The following SPOCK3 variants were observed in gnomAD, a reference collection of about 807,000 sequenced individuals.
The protein encoded by SPOCK3 is testican-3.
SPOCK3 carries 30 observed loss-of-function variants against 56.6 expected under a neutral mutation model. That is an observed-to-expected ratio of 0.53 (90% CI 0.40 to 0.72). SPOCK3 has a LOEUF of 0.72. Ranked by LOEUF, SPOCK3 falls within the 30% of genes least tolerant of loss-of-function variation. SPOCK3 has a pLI of 0.00. For synonymous variants in SPOCK3, 196 were observed against 183.3 expected (o/e 1.07, Z -0.56); for missense variants, 527 against 530.0 (o/e 0.99, Z 0.06).
intron 6 of SPOCK3, among the ~76,000 whole-genome samples, chr4:166,842,168 G>C (rs1747479155): frequency 1.3e-5 from 2 of 152,244 alleles, no homozygotes; most frequent in African/African-American, 2.4e-5. Flanking sequence ...GACCCAAAGA[G>C]TGAGCAGCAG....
chr4:166,919,202 CCAA>C (rs772741886), intron 4 of SPOCK3, among the ~76,000 whole-genome samples: 1 of 152,018 alleles, frequency 6.6e-6, no homozygotes, highest in Non-Finnish European at 1.5e-5. Context: ...GCTTATGAGG[CCAA>C]CAAGTATGAT....
intron 4 of SPOCK3, among the ~76,000 whole-genome samples, chr4:166,966,752 A>C (rs1275606609): frequency 6.6e-6 from 1 of 152,184 alleles, no homozygotes; most frequent in Non-Finnish European, 1.5e-5. Flanking sequence ...ACACATTATT[A>C]TTACAATAAT....
intron 6 of SPOCK3, among the ~76,000 whole-genome samples, chr4:166,834,542 C>G (rs1364164697): frequency 6.6e-6 from 1 of 152,218 alleles, no homozygotes; most frequent in Non-Finnish European, 1.5e-5. Context: ...GCGCTTTCTA[C>G]TGCCAAGGAG....
At chr4:166,933,164 T>A (rs1739980969) in intron 4 of SPOCK3, among the ~76,000 whole-genome samples, 1 of 152,222 alleles carries the variant, frequency 6.6e-6, no homozygotes, top group Non-Finnish European at 1.5e-5. Flanking sequence ...TCTGAATCCC[T>A]TTTGACTCTC....
intron 4 of SPOCK3, among the ~76,000 whole-genome samples, chr4:166,913,641 G>A (rs1284019956): frequency 1.3e-5 from 2 of 151,898 alleles, no homozygotes; most frequent in Non-Finnish European, 2.9e-5. Context: ...TCATGAATAT[G>A]TCAAACCTAC....
intron 2 of SPOCK3, among the ~76,000 whole-genome samples, chr4:167,192,381 T>A (rs569497384): frequency 2.7e-5 from 4 of 145,946 alleles, no homozygotes; most frequent in African/African-American, 1.0e-4. Context: ...TTTACATGCT[T>A]AGTGTAATTC....
chr4:167,103,634 T>C (rs1168073507), intron 2 of SPOCK3, among the ~76,000 whole-genome samples: 2 of 152,156 alleles, frequency 1.3e-5, no homozygotes, highest in Non-Finnish European at 2.9e-5. Flanking sequence ...CCAGATGGCA[T>C]CTCTGGATCT....
chr4:166,951,017 T>C (rs1742540959), intron 4 of SPOCK3, among the ~76,000 whole-genome samples: 2 of 129,270 alleles, frequency 1.5e-5, no homozygotes, highest in Non-Finnish European at 3.2e-5. Flanking sequence ...AACATCACAA[T>C]TAAAAGAACT....
At chr4:166,880,852 C>T (rs1251235162) in intron 6 of SPOCK3, among the ~76,000 whole-genome samples, 1 of 152,152 alleles carries the variant, frequency 6.6e-6, no homozygotes, top group Non-Finnish European at 1.5e-5. Flanking sequence ...CATTCTTGAA[C>T]CATCCGGTTT....
At chr4:166,971,739 G>A (rs994255544) in intron 4 of SPOCK3, among the ~76,000 whole-genome samples, 3 of 151,828 alleles carry the variant, frequency 2.0e-5, no homozygotes, top group African/African-American at 7.3e-5. Flanking sequence ...CATTCCCTAC[G>A]TATGTATTTT....
chr4:166,936,974 G>C (rs1311342888), intron 4 of SPOCK3, among the ~76,000 whole-genome samples: 1 of 151,564 alleles, frequency 6.6e-6, no homozygotes, highest in African/African-American at 2.4e-5. Context: ...TTTGATAATG[G>C]GTTATTTACA....
chr4:167,181,441 T>C (rs1239783201), intron 2 of SPOCK3, among the ~76,000 whole-genome samples: 1 of 152,238 alleles, frequency 6.6e-6, no homozygotes, highest in African/African-American at 2.4e-5. Flanking sequence ...ACCTTTGTTC[T>C]ATTCTCCAGA....
intron 7 of SPOCK3, among the ~76,000 whole-genome samples, chr4:166,755,894 T>A (rs1737001105): frequency 1.8e-5 from 1 of 55,748 alleles, no homozygotes; most frequent in African/African-American, 6.6e-5. Flanking sequence ...ATAAGAGATT[T>A]GGGACAGGAA....
At chr4:167,072,509 A>G (rs1456614766) in intron 2 of SPOCK3, among the ~76,000 whole-genome samples, 1 of 151,994 alleles carries the variant, frequency 6.6e-6, no homozygotes, top group African/African-American at 2.4e-5. Context: ...TGAGAAAGCA[A>G]TATTTAATGG....
chr4:167,125,427 C>A (rs867979556), intron 2 of SPOCK3, among the ~76,000 whole-genome samples: 1 of 149,124 alleles, frequency 6.7e-6, no homozygotes, highest in African/African-American at 2.4e-5. Context: ...AAAAAAAACA[C>A]CCCCGGCCGG....
At chr4:167,188,194 A>C (rs532186339) in intron 2 of SPOCK3, among the ~76,000 whole-genome samples, 1 of 146,370 alleles carries the variant, frequency 6.8e-6, no homozygotes, top group East Asian at 2.1e-4. Flanking sequence ...AACTCAGCTA[A>C]ACAGCCCGCT....
chr4:166,919,906 A>G (rs4416504), intron 4 of SPOCK3, among the ~76,000 whole-genome samples: 90,123 of 151,998 alleles, frequency 0.59, 27,630 homozygotes, highest in African/African-American at 0.74. Context: ...CATTATTTTA[A>G]GAACTAAACC....
At chr4:167,067,788 T>C (rs961049866) in intron 2 of SPOCK3, among the ~76,000 whole-genome samples, 1 of 151,872 alleles carries the variant, frequency 6.6e-6, no homozygotes, top group African/African-American at 2.4e-5. Context: ...ATCAATGCTA[T>C]ACTACACCCA....
intron 4 of SPOCK3, among the ~76,000 whole-genome samples, chr4:166,976,217 C>T (rs1453542535): frequency 1.3e-5 from 2 of 152,118 alleles, no homozygotes; most frequent in Non-Finnish European, 2.9e-5. Flanking sequence ...TTGCTCAGAT[C>T]AAACTTTTGG....
Sources: allele counts gnomAD v4.1 joint callset (sites outside exome capture counted in the v4.1 genomes callset), GRCh38; gene constraint gnomAD v4.1.1; transcripts MANE v1.5; gene names NCBI Gene and HGNC (gene_info 2026-07-23, HGNC 2026-07-21).